The following LSAMP variants were observed in gnomAD, a reference collection of about 807,000 sequenced individuals.
The protein encoded by LSAMP is limbic system-associated membrane protein.
LSAMP carries 7 observed loss-of-function variants against 38.6 expected under a neutral mutation model. The ratio of observed to expected loss-of-function variants is 0.18; its 90% CI spans 0.10 to 0.34. The LOEUF is 0.34. LSAMP is among the 10% of genes least tolerant of loss of function. The pLI, the probability that LSAMP is intolerant of heterozygous loss-of-function variation, is 1.00. For missense variants in LSAMP, 313 were observed against 420.0 expected, an observed-to-expected ratio of 0.75 and a Z score of 2.23; for synonymous variants, 154 against 166.8, an observed-to-expected ratio of 0.92 and a Z score of 0.59.
At chr3:116,366,454 T>C (rs1465604312) in intron 1 of LSAMP, among the ~76,000 whole-genome samples, 3 of 152,178 alleles carry the variant, frequency 2.0e-5, no homozygotes, top group Non-Finnish European at 4.4e-5. Flanking sequence ...GGTATAGTCT[T>C]TTGACACTGA....
intron 1 of LSAMP, among the ~76,000 whole-genome samples, chr3:116,172,307 T>G (rs1710221186): frequency 6.6e-6 from 1 of 151,808 alleles, no homozygotes; most frequent in Admixed American, 6.6e-5. Flanking sequence ...ACCAGAGAAT[T>G]GGTAAGAAGT....
intron 1 of LSAMP, among the ~76,000 whole-genome samples, chr3:116,408,590 A>G (rs556834811): frequency 1.3e-5 from 2 of 152,188 alleles, no homozygotes; most frequent in Admixed American, 1.3e-4. Context: ...CTATGGGCAG[A>G]GTAAAAATAG....
At chr3:116,061,603 C>T (rs1418458643) in intron 2 of LSAMP, among the ~76,000 whole-genome samples, 1 of 152,208 alleles carries the variant, frequency 6.6e-6, no homozygotes, top group Non-Finnish European at 1.5e-5. Flanking sequence ...CCCCTAAGTT[C>T]CAACACCTCC....
chr3:115,896,122 C>T (rs371991783), intron 3 of LSAMP, among the ~76,000 whole-genome samples: 498 of 152,074 alleles, frequency 3.3e-3, no homozygotes, highest in East Asian at 3.7e-3. Context: ...TGTTTTCTCC[C>T]CAGTCAAGCT....
At chr3:116,075,689 C>T (rs1310044973) in intron 2 of LSAMP, among the ~76,000 whole-genome samples, 5 of 151,574 alleles carry the variant, frequency 3.3e-5, no homozygotes, top group East Asian at 3.9e-4. Flanking sequence ...TACAGGCCCA[C>T]GCCACCACAC....
At chr3:116,049,936 G>T (rs1284588247) in intron 2 of LSAMP, among the ~76,000 whole-genome samples, 1 of 152,078 alleles carries the variant, frequency 6.6e-6, no homozygotes. Flanking sequence ...AAAAGTAAAG[G>T]TTACACAAAT....
Position 116,004,624 on chromosome 3 carries a change from A to G in LSAMP, c.514+14891T>C, listed in dbSNP as rs1277304014. On this transcript the variant is annotated intron_variant, in intron 3 of 6. Transcript: ENST00000490035. Reference sequence around the variant, plus strand: ...TATACATGTATATGCATATATAAACATATATACATAAGCATGTATATACAT... The same window carrying G: ...TATACATGTATATGCATATATAAACGTATATACATAAGCATGTATATACAT... 3.4e-5 allele frequency among the ~76,000 whole-genome samples: 5 copies of G among 147,278 alleles called. No individual in the cohort carries two copies. In the East Asian group the frequency reaches 9.7e-4, roughly 28 times the overall value.
intron 1 of LSAMP, among the ~76,000 whole-genome samples, chr3:116,308,257 C>CT (rs910898942): frequency 1.8e-4 from 28 of 151,962 alleles, no homozygotes; most frequent in Admixed American, 1.8e-3. Flanking sequence ...TCACCCCTTC[C>CT]TTTTTTGTTG....
chr3:116,044,236 T>C (rs1482042731), intron 2 of LSAMP, among the ~76,000 whole-genome samples: 1 of 152,210 alleles, frequency 6.6e-6, no homozygotes, highest in Non-Finnish European at 1.5e-5. Context: ...AATATGTAAA[T>C]TGATGTATCA....
chr3:116,403,632 A>G (rs2048865960), intron 1 of LSAMP, among the ~76,000 whole-genome samples: 1 of 152,216 alleles, frequency 6.6e-6, no homozygotes, highest in Non-Finnish European at 1.5e-5. Flanking sequence ...ATGGGTTGAA[A>G]TACATATGGG....
intron 1 of LSAMP, among the ~76,000 whole-genome samples, chr3:116,254,578 G>A (rs1373834322): frequency 3.3e-5 from 5 of 152,062 alleles, no homozygotes; most frequent in African/African-American, 4.8e-5. Flanking sequence ...TATTAACACC[G>A]TTTTGTTTCA....
At chr3:116,163,213 T>A (rs1709942126) in intron 1 of LSAMP, among the ~76,000 whole-genome samples, 1 of 139,702 alleles carries the variant, frequency 7.2e-6, no homozygotes, top group Admixed American at 7.0e-5. Flanking sequence ...CTCCTAATGC[T>A]ATCCCTCCCC....
chr3:115,890,572 G>A (rs1239309214), intron 3 of LSAMP, among the ~76,000 whole-genome samples: 1 of 151,872 alleles, frequency 6.6e-6, no homozygotes, highest in Non-Finnish European at 1.5e-5. Context: ...TGCCTTCTAA[G>A]TCCTCTCACT....
At chr3:116,321,927 G>C (rs1430931702) in intron 1 of LSAMP, among the ~76,000 whole-genome samples, 1 of 152,016 alleles carries the variant, frequency 6.6e-6, no homozygotes, top group East Asian at 1.9e-4. Flanking sequence ...TTTATATATG[G>C]TTTAGTGATG....
intron 3 of LSAMP, among the ~76,000 whole-genome samples, chr3:115,855,399 T>C (rs1935475129): frequency 6.6e-6 from 1 of 152,204 alleles, no homozygotes; most frequent in Admixed American, 6.5e-5. Flanking sequence ...CCTTATCAGA[T>C]AAACTTTCAA....
rs2107804919 is a variant in LSAMP at position 116,384,289 on chromosome 3, C to T, written c.155+60588G>A. 1.3e-5 allele frequency among the ~76,000 whole-genome samples: 2 copies of T among 152,254 alleles called. 1 individual carries two copies. The highest frequency in any genetic ancestry group is 3.9e-4 in the East Asian group (2 of 5,182). On this transcript the variant is annotated intron_variant, in intron 1 of 6. Transcript: ENST00000490035. ...ACCTCTTTATTCTGAAGAATATTCT[C>T]ATATTTTGACCATCTCATTCATCAA...
At chr3:116,240,335 C>G (rs1027973611) in intron 1 of LSAMP, among the ~76,000 whole-genome samples, 3 of 152,110 alleles carry the variant, frequency 2.0e-5, no homozygotes, top group African/African-American at 7.2e-5. Flanking sequence ...GGATCTGCAG[C>G]TTTGTGGTTA....
chr3:116,254,676 C>A (rs1382170743), intron 1 of LSAMP, among the ~76,000 whole-genome samples: 9 of 152,184 alleles, frequency 5.9e-5, no homozygotes, highest in Non-Finnish European at 8.8e-5. Context: ...CAACTTTCGC[C>A]TATGGCTTGA....
chr3:115,912,640 C>T lies in LSAMP; in HGVS notation c.515-60023G>A, dbSNP rs191245443. 3.3e-5 allele frequency among the ~76,000 whole-genome samples: 5 copies of T among 152,320 alleles called. No individual in the cohort carries two copies. In the East Asian group the frequency reaches 9.6e-4, roughly 29 times the overall value. On this transcript the variant is annotated intron_variant, in intron 3 of 6. Coordinates refer to ENST00000490035, the MANE Select transcript of LSAMP (RefSeq NM_002338.5). Reference sequence around the variant, plus strand: ...GCTCCACACTTGACCTTTGCTGGCACGAGTGGAGTTGTAGCCAGTTTTGTT... The same window carrying T: ...GCTCCACACTTGACCTTTGCTGGCATGAGTGGAGTTGTAGCCAGTTTTGTT...
Sources: allele counts gnomAD v4.1 joint callset (sites outside exome capture counted in the v4.1 genomes callset), GRCh38; gene constraint gnomAD v4.1.1; transcripts MANE v1.5; gene names NCBI Gene and HGNC (gene_info 2026-07-23, HGNC 2026-07-21).